NECAB2: variants seen among roughly 807,000 people sequenced by gnomAD.
NECAB2 encodes the protein N-terminal EF-hand calcium binding protein 2, also known as N-terminal EF-hand calcium-binding protein 2.
Under a neutral mutation model 51.9 loss-of-function variants are expected in NECAB2, and 68 were observed. The ratio of observed to expected loss-of-function variants is 1.31; its 90% CI spans 1.08 to 1.60. The LOEUF (loss-of-function observed/expected upper bound fraction) is 1.60, where lower values mean the gene tolerates loss of function less well. Among genes scored for constraint, NECAB2 ranks in the 40% most tolerant of loss-of-function variants. The probability of loss-of-function intolerance (pLI) is 0.00; values close to 1 mark genes in which losing one functional copy is unlikely to be tolerated. For synonymous variants in NECAB2, 329 were observed against 203.5 expected (o/e 1.62, Z -5.25); for missense variants, 854 against 490.3 (o/e 1.74, Z -7.00).
At position 83,972,413 on chromosome 16, in the gene NECAB2, T is replaced by C. The variant is rs552268172; in HGVS notation, c.226+238T>C. On this transcript the variant is annotated intron_variant, in intron 2 of 12. Coordinates refer to ENST00000305202, the MANE Select transcript of NECAB2 (RefSeq NM_019065.3). ...CAGCTCCACTCAAGGGCTCAGTGAG[T>C]CTTGTCTGTGATGCCAAGAACAATG... Among the ~76,000 whole-genome samples, 36 of 152,140 alleles carry C rather than the reference T, an allele frequency of 2.4e-4. No homozygotes were observed. The South Asian group carries it at 4.8e-3, about 20-fold the overall frequency.
intron 6 of NECAB2, 39 bp from the exon 7 acceptor site, chr16:83,994,263 C>A: frequency 6.3e-7 from 1 of 1,598,638 alleles, no homozygotes; most frequent in Non-Finnish European, 8.6e-7. Context: ...GCCCTGAAGC[C>A]ACCGCCATGG....
chr16:83,996,081 GGCCCCGCC>G (rs774913843), intron 8 of NECAB2, among the ~76,000 whole-genome samples: 1 of 152,246 alleles, frequency 6.6e-6, no homozygotes, highest in Non-Finnish European at 1.5e-5. Context: ...CCTGGCTTCA[GGCCCCGCC>G]CTTCACCGGC....
At chr16:83,992,643 C>T (rs1039542505) in intron 6 of NECAB2, among the ~76,000 whole-genome samples, 2 of 152,142 alleles carry the variant, frequency 1.3e-5, no homozygotes, top group African/African-American at 4.8e-5. Context: ...CCTGATCAGA[C>T]ATGATTGTGA....
At chr16:83,983,087 T>A (rs1244202263) in intron 5 of NECAB2, among the ~76,000 whole-genome samples, 1 of 152,118 alleles carries the variant, frequency 6.6e-6, no homozygotes, top group African/African-American at 2.4e-5. Context: ...CAGGCTGGTC[T>A]CAAAGTCCTG....
chr16:83,987,499 C>T (rs890719092), intron 5 of NECAB2, among the ~76,000 whole-genome samples: 1 of 152,174 alleles, frequency 6.6e-6, no homozygotes, highest in Non-Finnish European at 1.5e-5. Context: ...CAAATCGCTT[C>T]TAATTCCCAC....
At chr16:83,975,409 A>T (rs2084398025) in intron 2 of NECAB2, among the ~76,000 whole-genome samples, 1 of 152,042 alleles carries the variant, frequency 6.6e-6, no homozygotes, top group Non-Finnish European at 1.5e-5. Flanking sequence ...GCCCACAAGC[A>T]CACACAGGAC....
intron 6 of NECAB2, chr16:83,993,697 T>C: frequency 6.3e-6 from 1 of 158,338 alleles, no homozygotes; most frequent in Non-Finnish European, 1.4e-5. Flanking sequence ...TAGCTGTGCC[T>C]GTCAGGGCAC....
chr16:83,988,327 G>A (rs1768023623), intron 5 of NECAB2, among the ~76,000 whole-genome samples: 1 of 151,968 alleles, frequency 6.6e-6, no homozygotes, highest in Non-Finnish European at 1.5e-5. Flanking sequence ...GATTTGGAAT[G>A]TACAATTCCT....
intron 9 of NECAB2, among the ~76,000 whole-genome samples, chr16:83,997,972 C>T (rs1199412112): frequency 6.6e-6 from 1 of 152,214 alleles, no homozygotes; most frequent in Non-Finnish European, 1.5e-5. Context: ...CCTCTGTAAA[C>T]AACCTCGTCT....
rs372158676 is a variant in NECAB2 at position 84,002,291 on chromosome 16, C to T, written c.1133-27C>T. On this transcript the variant is annotated intron_variant, in intron 12 of 12. Coordinates refer to ENST00000305202, the MANE Select transcript of NECAB2 (RefSeq NM_019065.3). ...GAGGCTGCCCACATTCGCACTCCTT[C>T]CCTCTAACGTGTCTCTCTCCTTTTA... 2.9e-5 allele frequency: 46 copies of T among 1,613,384 alleles called. No individual in the cohort carries two copies. In the African/African-American group the frequency reaches 3.6e-4, roughly 13 times the overall value.
At chr16:83,997,401 G>C in intron 9 of NECAB2, 132 bp downstream of exon 9, 2 of 1,165,284 alleles carry the variant, frequency 1.7e-6, no homozygotes, top group Non-Finnish European at 1.2e-6. Flanking sequence ...ATGTCGCCCA[G>C]CGCTTGGCAC....
upstream of NECAB2, chr16:83,965,523 G>A (rs755525072): frequency 1.8e-5 from 29 of 1,612,270 alleles, no homozygotes; most frequent in East Asian, 4.5e-5. Flanking sequence ...GCCTTCCGCC[G>A]GGCCGTGGAC....
At chr16:83,986,070 A>G (rs1279797325) in intron 5 of NECAB2, among the ~76,000 whole-genome samples, 1 of 152,174 alleles carries the variant, frequency 6.6e-6, no homozygotes, top group Non-Finnish European at 1.5e-5. Context: ...AGGCCAGAGT[A>G]CAATGGAGTG....
intron 10 of NECAB2, among the ~76,000 whole-genome samples, chr16:83,999,546 C>T (rs1054815914): frequency 6.6e-6 from 1 of 152,136 alleles, no homozygotes; most frequent in Non-Finnish European, 1.5e-5. Flanking sequence ...CAGCCCGGCC[C>T]CTTCCTCTAG....
At chr16:83,997,096 C>T (rs894429887) in intron 8 of NECAB2, 120 bp from the exon 9 acceptor site, 1 of 1,151,390 alleles carries the variant, frequency 8.7e-7, no homozygotes, top group East Asian at 2.4e-5. Context: ...TCTCCCAGCC[C>T]TGTGCAACAG....
chr16:83,987,405 T>G (rs2084569893), intron 5 of NECAB2, among the ~76,000 whole-genome samples: 1 of 152,232 alleles, frequency 6.6e-6, no homozygotes, highest in Non-Finnish European at 1.5e-5. Context: ...GTTTGACGCA[T>G]ATAGACTTTT....
chr16:83,971,750 C>G (rs529008018), intron 1 of NECAB2: 1 of 279,216 alleles, frequency 3.6e-6, no homozygotes, highest in East Asian at 8.7e-5. Flanking sequence ...GGAAGGACTG[C>G]AGTGGTAAAG....
chr16:83,982,612 C>T (rs903298302), intron 5 of NECAB2, among the ~76,000 whole-genome samples: 1 of 152,180 alleles, frequency 6.6e-6, no homozygotes, highest in African/African-American at 2.4e-5. Flanking sequence ...AAGGGGCCCA[C>T]GTCCTAGCCA....
intron 5 of NECAB2, among the ~76,000 whole-genome samples, chr16:83,989,360 C>T (rs944670697): frequency 6.6e-6 from 1 of 152,214 alleles, no homozygotes; most frequent in Non-Finnish European, 1.5e-5. Context: ...TTCACCACGC[C>T]TTAGCTGTCT....
Sources: allele counts gnomAD v4.1 joint callset (sites outside exome capture counted in the v4.1 genomes callset), GRCh38; gene constraint gnomAD v4.1.1; transcripts MANE v1.5; gene names NCBI Gene and HGNC (gene_info 2026-07-23, HGNC 2026-07-21).